The following C12orf75 variants were observed in gnomAD, a reference collection of about 807,000 sequenced individuals.
C12orf75 encodes overexpressed in colon carcinoma 1 protein.
A neutral mutation model predicts 11.4 loss-of-function variants in C12orf75; 4 were observed. That is an observed-to-expected ratio of 0.35 (90% CI 0.17 to 0.80). C12orf75 has a LOEUF of 0.80. Among genes scored for constraint, C12orf75 ranks in the 30% least tolerant of loss-of-function variants. The probability of loss-of-function intolerance (pLI) is 0.52; values close to 1 mark genes in which losing one functional copy is unlikely to be tolerated. For synonymous variants in C12orf75, 30 were observed against 30.0 expected (o/e 1.00, Z 0.00); for missense variants, 89 against 80.4 (o/e 1.11, Z -0.41).
chr12:105,362,009 G>C (rs1892873068), intron 2 of C12orf75, among the ~76,000 whole-genome samples: 1 of 152,218 alleles, frequency 6.6e-6, no homozygotes, highest in Admixed American at 6.5e-5. Context: ...GCAGCAGTTA[G>C]AGGTTGTTTC....
intron 2 of C12orf75, among the ~76,000 whole-genome samples, chr12:105,365,601 A>G (rs1871448638): frequency 6.6e-6 from 1 of 152,196 alleles, no homozygotes; most frequent in Non-Finnish European, 1.5e-5. Context: ...GAAAATTACC[A>G]AGTTTTAACG....
At chr12:105,366,054 A>T (rs1379451574) in intron 3 of C12orf75, 1 of 584,014 alleles carries the variant, frequency 1.7e-6, no homozygotes, top group Non-Finnish European at 3.1e-6. Context: ...TGTCCTATGC[A>T]TGTGGCGTGT....
Position 105,366,551 on chromosome 12 carries a change from C to T in C12orf75, c.108-66C>T, listed in dbSNP as rs1042651442. On this transcript the variant is annotated intron_variant, in intron 3 of 5. Transcript: ENST00000443585. Reference sequence around the variant, plus strand: ...AATTATATAATTGTTTGGAGTACTCCGTGCTTCTGTTGCTTCCTGTAAATA... The same window carrying T: ...AATTATATAATTGTTTGGAGTACTCTGTGCTTCTGTTGCTTCCTGTAAATA... 79 of 727,058 alleles carry T rather than the reference C, an allele frequency of 1.1e-4. 1 individual carries two copies. The highest frequency in any genetic ancestry group is 1.7e-4 in the East Asian group (6 of 35,380). 45.0% of individuals were successfully genotyped at this position (727,058 alleles called of 1,614,324 possible). A position where few individuals can be genotyped will look rare whatever the true frequency, so the allele number is the denominator to read the frequency against.
chr12:105,332,735 T>TAAAA (rs34772007), intron 1 of C12orf75, among the ~76,000 whole-genome samples: 1 of 138,982 alleles, frequency 7.2e-6, no homozygotes, highest in Non-Finnish European at 1.5e-5. Context: ...CCGCTCCATC[T>TAAAA]AAAAAAAAAA....
At chr12:105,348,214 A>G (rs1389636149) in intron 1 of C12orf75, among the ~76,000 whole-genome samples, 1 of 152,164 alleles carries the variant, frequency 6.6e-6, no homozygotes, top group Admixed American at 6.5e-5. Flanking sequence ...CAGGAGTTGG[A>G]GAGCAGCCTG....
intron 1 of C12orf75, among the ~76,000 whole-genome samples, chr12:105,347,257 A>G: frequency 6.6e-6 from 1 of 152,226 alleles, no homozygotes; most frequent in East Asian, 1.9e-4. Flanking sequence ...CCAGAGGGAG[A>G]GAACTAATAG....
intron 2 of C12orf75, among the ~76,000 whole-genome samples, chr12:105,357,010 A>T (rs1592882746): frequency 6.6e-6 from 1 of 152,168 alleles, no homozygotes; most frequent in African/African-American, 2.4e-5. Context: ...AAGCCCACCC[A>T]CCCCAAAGAG....
At chr12:105,354,331 C>CA (rs1892748950) in intron 2 of C12orf75, among the ~76,000 whole-genome samples, 2 of 152,172 alleles carry the variant, frequency 1.3e-5, no homozygotes, top group African/African-American at 4.8e-5. Context: ...ATCATTCTTA[C>CA]AGTAGTAGCT....
intron 1 of C12orf75, among the ~76,000 whole-genome samples, chr12:105,344,203 T>C (rs554005840): frequency 6.6e-6 from 1 of 152,352 alleles, no homozygotes; most frequent in African/African-American, 2.4e-5. Context: ...TCACACACGT[T>C]ACTGTGCTTT....
chr12:105,352,159 G>A (rs191972124), intron 2 of C12orf75, among the ~76,000 whole-genome samples: 50 of 152,344 alleles, frequency 3.3e-4, no homozygotes, highest in African/African-American at 1.1e-3. Flanking sequence ...CAAGGGAAGC[G>A]ATGGCTGATA....
chr12:105,367,424 T>C (rs1472001687), intron 4 of C12orf75, 48 bp from the exon 5 acceptor site: 1 of 671,178 alleles, frequency 1.5e-6, no homozygotes, highest in Non-Finnish European at 2.5e-6. Context: ...AATTAGAATA[T>C]GCTATTTATA....
intron 2 of C12orf75, among the ~76,000 whole-genome samples, chr12:105,361,564 A>G (rs1892866455): frequency 2.0e-5 from 3 of 152,172 alleles, no homozygotes; most frequent in South Asian, 4.1e-4. Context: ...TTTTTAGACT[A>G]TGGAGCCTAA....
intron 5 of C12orf75, among the ~76,000 whole-genome samples, chr12:105,370,279 C>T (rs1218065079): frequency 6.6e-6 from 1 of 152,122 alleles, no homozygotes; most frequent in East Asian, 1.9e-4. Context: ...CCTAGGCTCT[C>T]CCAGGAGGTT....
chr12:105,336,221 A>G (rs566413392), intron 1 of C12orf75, among the ~76,000 whole-genome samples: 4 of 152,330 alleles, frequency 2.6e-5, no homozygotes, highest in African/African-American at 9.6e-5. Flanking sequence ...GGTATTGGGA[A>G]GAAAGAATGG....
At chr12:105,353,168 C>T (rs1360578886) in intron 2 of C12orf75, among the ~76,000 whole-genome samples, 2 of 152,130 alleles carry the variant, frequency 1.3e-5, no homozygotes, top group Non-Finnish European at 2.9e-5. Flanking sequence ...TGGAAAAGCT[C>T]CAGGGACTTG....
chr12:105,366,535 A>G (rs1345989650), intron 3 of C12orf75, 82 bp from the exon 4 acceptor site: 23 of 589,070 alleles, frequency 3.9e-5, no homozygotes, highest in Non-Finnish European at 6.3e-5. Flanking sequence ...TAATTATATA[A>G]TTGTTTGGAG....
intron 5 of C12orf75, among the ~76,000 whole-genome samples, chr12:105,368,796 ACTT>A (rs969993349): frequency 1.3e-5 from 2 of 152,142 alleles, no homozygotes; most frequent in African/African-American, 2.4e-5. Flanking sequence ...GTGGGTAGCT[ACTT>A]CTTTGAAGAT....
intron 4 of C12orf75, 38 bp from the exon 5 acceptor site, chr12:105,367,434 A>G (rs2136152818): frequency 1.4e-6 from 1 of 732,858 alleles, no homozygotes; most frequent in Non-Finnish European, 2.2e-6. Context: ...TGCTATTTAT[A>G]ATCTGAACAT....
chr12:105,360,175 T>A (rs1006457788), intron 2 of C12orf75, among the ~76,000 whole-genome samples: 2 of 152,240 alleles, frequency 1.3e-5, no homozygotes, highest in African/African-American at 4.8e-5. Flanking sequence ...GCTGCTATTC[T>A]CACAAGGCTG....
Sources: gnomAD v4.1 joint callset for allele counts (sites outside exome capture counted in the v4.1 genomes callset) on GRCh38, gnomAD v4.1.1 for gene constraint, MANE v1.5 for transcripts, NCBI Gene and HGNC (gene_info 2026-07-23, HGNC 2026-07-21) for gene names.